Variants in TULP4 observed in about 807,000 individuals in gnomAD.
The protein encoded by TULP4 is TUB like protein 4.
Under a neutral mutation model 129.0 loss-of-function variants are expected in TULP4, and 16 were observed. The observed-to-expected ratio is 0.12, with a 90% CI of 0.08 to 0.19. The LOEUF (loss-of-function observed/expected upper bound fraction) is 0.19, where lower values mean the gene tolerates loss of function less well. Ranked by LOEUF, TULP4 falls within the 10% of genes least tolerant of loss-of-function variation. The probability of loss-of-function intolerance (pLI) is 1.00; values close to 1 mark genes in which losing one functional copy is unlikely to be tolerated. For synonymous variants in TULP4, 998 were observed against 854.0 expected (o/e 1.17, Z -2.94); for missense variants, 1,842 against 2,059.1 (o/e 0.89, Z 2.04).
At position 158,436,216 on chromosome 6, in the gene TULP4, T is replaced by C. The variant is rs76322942; in HGVS notation, c.543+6319T>C. Among the ~76,000 whole-genome samples the C allele has an allele frequency of 3.3e-5, 5 of 152,342 alleles. 1 individual carries two copies. The South Asian group carries it at 8.3e-4, about 25-fold the overall frequency. ...GCCACCATGCCCAGCCTGGACTCTC[T>C]TTTCTGTACCTCCAACCTTCACTTA... On this transcript the variant is annotated intron_variant, in intron 3 of 13. Transcript: ENST00000367097.
chr6:158,430,461 G>A (rs1420038221), intron 3 of TULP4, among the ~76,000 whole-genome samples: 1 of 152,180 alleles, frequency 6.6e-6, no homozygotes, highest in African/African-American at 2.4e-5. Context: ...TCATTTTGGA[G>A]GCCAGGCACG....
intron 1 of TULP4, among the ~76,000 whole-genome samples, chr6:158,233,502 C>T (rs889369857): frequency 1.3e-5 from 2 of 152,220 alleles, no homozygotes; most frequent in African/African-American, 4.8e-5. Flanking sequence ...GAAGTTCTTG[C>T]AGACAAACCC....
intron 8 of TULP4, among the ~76,000 whole-genome samples, chr6:158,487,499 C>T (rs1168476541): frequency 6.6e-6 from 1 of 152,182 alleles, no homozygotes; most frequent in Non-Finnish European, 1.5e-5. Context: ...TTCTTGAAAA[C>T]TGACAGAATT....
intron 1 of TULP4, among the ~76,000 whole-genome samples, chr6:158,374,913 C>T (rs900710015): frequency 6.6e-6 from 1 of 152,034 alleles, no homozygotes; most frequent in Non-Finnish European, 1.5e-5. Flanking sequence ...TTTTCTTTAA[C>T]ATTGTGGACT....
At chr6:158,265,577 G>A (rs893165492) in intron 1 of TULP4, among the ~76,000 whole-genome samples, 5 of 152,036 alleles carry the variant, frequency 3.3e-5, no homozygotes, top group African/African-American at 1.2e-4. Context: ...AGCTACTTGG[G>A]AGGCTGAGGC....
intron 3 of TULP4, among the ~76,000 whole-genome samples, chr6:158,443,279 G>A (rs563589506): frequency 1.5e-4 from 23 of 152,140 alleles, no homozygotes; most frequent in Admixed American, 7.8e-4. Flanking sequence ...ACCGCACCCA[G>A]CCAATTTTTG....
At chr6:158,306,394 A>C (rs1583724265) in intron 1 of TULP4, among the ~76,000 whole-genome samples, 1 of 152,200 alleles carries the variant, frequency 6.6e-6, no homozygotes. Flanking sequence ...CTGTCTCTTC[A>C]AAAAGTACAA....
At chr6:158,311,951 G>T (rs1429220385), upstream of TULP4, 1 of 393,648 alleles carries the variant, frequency 2.5e-6, no homozygotes, top group Non-Finnish European at 4.5e-6. Flanking sequence ...TAAGTGTAAA[G>T]ATGGGTCTCT....
intron 1 of TULP4, among the ~76,000 whole-genome samples, chr6:158,383,545 AG>A (rs1384781760): frequency 1.3e-5 from 2 of 152,250 alleles, no homozygotes; most frequent in African/African-American, 2.4e-5. Flanking sequence ...AACCTTATAA[AG>A]GGAATAGAAA....
intron 1 of TULP4, among the ~76,000 whole-genome samples, chr6:158,342,681 G>A (rs1239837568): frequency 6.6e-6 from 1 of 152,140 alleles, no homozygotes; most frequent in Non-Finnish European, 1.5e-5. Context: ...TGGATTGAAG[G>A]CACCATGGCA....
chr6:158,479,669 C>A (rs1320445258), intron 6 of TULP4, 82 bp from the exon 7 acceptor site: 3 of 1,315,072 alleles, frequency 2.3e-6, no homozygotes, highest in Admixed American at 2.0e-5. Flanking sequence ...TTTTATTTTG[C>A]TCGAGACAAG....
At chr6:158,363,073 A>AG (rs1411706242) in intron 1 of TULP4, among the ~76,000 whole-genome samples, 1 of 151,446 alleles carries the variant, frequency 6.6e-6, no homozygotes, top group Non-Finnish European at 1.5e-5. Context: ...AAAAAAAAAA[A>AG]AAAAAAAAAA....
chr6:158,494,906 TCC>T, intron 11 of TULP4, 60 bp downstream of exon 11: 1 of 1,474,948 alleles, frequency 6.8e-7, no homozygotes, highest in Non-Finnish European at 9.4e-7. Flanking sequence ...ACGTCCAGTT[TCC>T]ACCTTTAGTG....
chr6:158,375,223 G>A (rs1777157912), intron 1 of TULP4, among the ~76,000 whole-genome samples: 1 of 152,198 alleles, frequency 6.6e-6, no homozygotes, highest in African/African-American at 2.4e-5. Flanking sequence ...AGCCTGGGCA[G>A]ACAGAGTGAG....
At position 158,285,192 on chromosome 6, in the gene TULP4, T is replaced by C. The variant is rs186506901; in HGVS notation, n.116+2814T>C. Among the ~76,000 whole-genome samples the C allele has an allele frequency of 4.1e-4, 62 of 152,332 alleles. 1 individual carries two copies. Among genetic ancestry groups the C allele is most frequent in the African/African-American group, 1.5e-3 (61 of 41,586 alleles). Reference sequence around the variant, plus strand: ...TCAGGGTCCAGATTTTGTATTTTTATGTTAGCTTTATGTTGTCTAGTCTTG... The same window carrying C: ...TCAGGGTCCAGATTTTGTATTTTTACGTTAGCTTTATGTTGTCTAGTCTTG... On this transcript the variant is annotated intron_variant and non_coding_transcript_variant, in intron 1 of 1. Coordinates refer to the TULP4 transcript ENST00000432358.
intron 1 of TULP4, among the ~76,000 whole-genome samples, chr6:158,381,701 A>G (rs1484079916): frequency 6.6e-6 from 1 of 152,224 alleles, no homozygotes; most frequent in African/African-American, 2.4e-5. Flanking sequence ...TATGAACTAT[A>G]GAAGTAAATG....
chr6:158,484,479 AG>A (rs1322442755), intron 8 of TULP4, among the ~76,000 whole-genome samples: 3 of 152,076 alleles, frequency 2.0e-5, no homozygotes, highest in Admixed American at 6.6e-5. Flanking sequence ...CTTTAGCCAG[AG>A]CTTGCTATAG....
chr6:158,483,756 T>G (rs927466978), intron 8 of TULP4, among the ~76,000 whole-genome samples: 12 of 152,100 alleles, frequency 7.9e-5, no homozygotes, highest in East Asian at 7.7e-4. Context: ...TACCCTTAGA[T>G]TACGATTCAT....
chr6:158,365,867 T>C (rs1030099349), intron 1 of TULP4, among the ~76,000 whole-genome samples: 3 of 139,782 alleles, frequency 2.1e-5, no homozygotes, highest in African/African-American at 7.9e-5. Flanking sequence ...GAGTTTTGGT[T>C]CGTTTTTCTT....
Sources: allele counts gnomAD v4.1 joint callset (sites outside exome capture counted in the v4.1 genomes callset), GRCh38; gene constraint gnomAD v4.1.1; transcripts MANE v1.5; gene names NCBI Gene and HGNC (gene_info 2026-07-23, HGNC 2026-07-21).